The following NUP98 variants were observed in gnomAD, a reference collection of about 807,000 sequenced individuals.
The protein encoded by NUP98 is nuclear pore complex protein Nup98-Nup96.
A neutral mutation model predicts 191.9 loss-of-function variants in NUP98; 26 were observed. The ratio of observed to expected loss-of-function variants is 0.14; its 90% CI spans 0.10 to 0.19. NUP98 has a LOEUF of 0.19. Among genes scored for constraint, NUP98 ranks in the 10% least tolerant of loss-of-function variants. NUP98 has a pLI of 1.00. For missense variants in NUP98, 1,941 were observed against 2,178.8 expected, an observed-to-expected ratio of 0.89 and a Z score of 2.17; for synonymous variants, 808 against 778.4, an observed-to-expected ratio of 1.04 and a Z score of -0.63.
At chr11:3,777,389 A>C (rs1371832374) in intron 4 of NUP98, among the ~76,000 whole-genome samples, 1 of 151,614 alleles carries the variant, frequency 6.6e-6, no homozygotes, top group Non-Finnish European at 1.5e-5. Flanking sequence ...TTGGGAGGCC[A>C]AGGCGGGTGG....
chr11:3,779,709 C>T (rs2081885853), intron 2 of NUP98, among the ~76,000 whole-genome samples: 1 of 151,916 alleles, frequency 6.6e-6, no homozygotes, highest in Non-Finnish European at 1.5e-5. Flanking sequence ...AAAATCCCAT[C>T]AGAGTATGAA....
chr11:3,767,182 C>T (rs972912407), intron 8 of NUP98, among the ~76,000 whole-genome samples: 5 of 151,902 alleles, frequency 3.3e-5, no homozygotes, highest in Admixed American at 6.6e-5. Flanking sequence ...AGGCTGGTCT[C>T]GAACTCCTGA....
At chr11:3,685,155 A>G (rs1243195171) in intron 29 of NUP98, among the ~76,000 whole-genome samples, 1 of 152,246 alleles carries the variant, frequency 6.6e-6, no homozygotes, top group Non-Finnish European at 1.5e-5. Context: ...CAAGTACTAC[A>G]TAAATGTTCA....
chr11:3,690,006 C>T (rs2078260104), intron 28 of NUP98, among the ~76,000 whole-genome samples: 1 of 137,054 alleles, frequency 7.3e-6, no homozygotes, highest in South Asian at 2.3e-4. Context: ...GGCTGGACTG[C>T]AGTGGCACAA....
Position 3,686,098 on chromosome 11 carries a change from A to C in NUP98, c.4551T>G (p.Ala1517=). 6.2e-7 allele frequency: 1 copy of C among 1,614,226 alleles called. No homozygotes were observed. Among genetic ancestry groups the C allele is most frequent in the Non-Finnish European group, 8.5e-7 (1 of 1,180,038 alleles). The part of the protein sequence containing the change: ...LSWHLWEVLR[A]LNYTHLSAQC... The stretch of plus-strand genomic sequence containing the variant: ...GCGCTGAGAGATGGGTGTAGTTAAG[A>C]GCCCTCAGCACTTCCCACAAGTGCC... The change falls in exon 29 of 33, where the codon GCT becomes GCG. Residue 1517 remains alanine (A), a synonymous_variant. Transcript: ENST00000324932.
chr11:3,675,779 A>G lies in NUP98; in HGVS notation c.*380T>C. Reference sequence around the variant, plus strand: ...ACTCCTCCTAAGGAGTCCTAGTATAAAAGGGCCAGGGTAGGAGTAGGGAAG... The same window carrying G: ...ACTCCTCCTAAGGAGTCCTAGTATAGAAGGGCCAGGGTAGGAGTAGGGAAG... On this transcript the variant is annotated 3_prime_UTR_variant, in exon 33 of 33. Coordinates refer to ENST00000324932, the MANE Select transcript of NUP98 (RefSeq NM_016320.5). 2.8e-6 allele frequency: 1 copy of G among 356,714 alleles called. No homozygotes were observed. Among genetic ancestry groups the G allele is most frequent in the Non-Finnish European group, 5.2e-6 (1 of 193,052 alleles). 22.1% of individuals were successfully genotyped at this position (356,714 alleles called of 1,614,324 possible).
At chr11:3,783,082 A>T (rs927448083) in intron 1 of NUP98, among the ~76,000 whole-genome samples, 3 of 152,098 alleles carry the variant, frequency 2.0e-5, no homozygotes, top group Non-Finnish European at 2.9e-5. Flanking sequence ...ATTACAGAAA[A>T]ACCTTTGATG....
chr11:3,696,497 G>A (rs1324753757), intron 25 of NUP98, among the ~76,000 whole-genome samples: 6 of 150,956 alleles, frequency 4.0e-5, no homozygotes, highest in Non-Finnish European at 8.9e-5. Flanking sequence ...CCAAGACTCT[G>A]TCTTGGTGCA....
intron 12 of NUP98, among the ~76,000 whole-genome samples, chr11:3,737,650 C>T (rs1373400974): frequency 6.6e-6 from 1 of 151,924 alleles, no homozygotes; most frequent in African/African-American, 2.4e-5. Flanking sequence ...CAAACAAAAA[C>T]AGAACAGGCT....
intron 18 of NUP98, among the ~76,000 whole-genome samples, chr11:3,716,750 C>T (rs1486753866): frequency 6.7e-6 from 1 of 149,804 alleles, no homozygotes; most frequent in African/African-American, 2.5e-5. Flanking sequence ...TTTCTGGGCT[C>T]TCTATTACAT....
At chr11:3,684,249 A>T (rs1376667019) in intron 29 of NUP98, among the ~76,000 whole-genome samples, 1 of 151,934 alleles carries the variant, frequency 6.6e-6, no homozygotes, top group Non-Finnish European at 1.5e-5. Flanking sequence ...CATAGCATTA[A>T]TTTTTAAAAA....
chr11:3,718,035 C>G (rs992420768), intron 18 of NUP98, among the ~76,000 whole-genome samples: 1 of 152,238 alleles, frequency 6.6e-6, no homozygotes, highest in Middle Eastern at 3.4e-3. Context: ...CTGTAGTTTT[C>G]TTTCCTTGCA....
At chr11:3,677,197 C>G (rs769580755) in intron 31 of NUP98, among the ~76,000 whole-genome samples, 2 of 152,104 alleles carry the variant, frequency 1.3e-5, no homozygotes, top group African/African-American at 2.4e-5. Flanking sequence ...AACTGGATAG[C>G]TACTTGAGAC....
rs1281988839 is a variant in NUP98, at chr11:3,683,440, T to A, written c.4678A>T (p.Ile1560Leu). The A allele has an allele frequency of 1.9e-6, 3 of 1,614,052 alleles. No individual in the cohort carries two copies. Among genetic ancestry groups the A allele is most frequent in the Non-Finnish European group, 2.5e-6 (3 of 1,179,998 alleles). ...FVLLHIDNSGIREKAVRELLT... is the reference protein window; with the variant it reads ...FVLLHIDNSGLREKAVRELLT... ...AGCTCTCGAACAGCCTTCTCACGTA[T>A]GCTACAGGGAGAGATAAGCTAGAAT... Residue 1560 changes from isoleucine to leucine, a missense_variant and splice_region_variant, in exon 30 of 33, where the codon ATA (isoleucine) becomes TTA (leucine). This residue lies in a region of NUP98 where 1,030 missense variants were observed against 1,115.8 expected (regional missense o/e 0.92). Coordinates refer to ENST00000324932, the MANE Select transcript of NUP98 (RefSeq NM_016320.5).
At chr11:3,779,369 T>C in intron 2 of NUP98, 112 bp from the exon 3 acceptor site, 9 of 942,276 alleles carry the variant, frequency 9.6e-6, no homozygotes, top group Non-Finnish European at 1.5e-5. Flanking sequence ...AGGCTGTGCA[T>C]GGTGGCTCAC....
chr11:3,719,881 T>C (rs558697418), intron 17 of NUP98, among the ~76,000 whole-genome samples: 2 of 149,858 alleles, frequency 1.3e-5, no homozygotes, highest in Non-Finnish European at 3.0e-5. Flanking sequence ...CACCTCACCC[T>C]CCCAAGTAGC....
chr11:3,683,334 G>C lies in NUP98; in HGVS notation c.4784C>G (p.Pro1595Arg). The change falls in exon 30 of 33, where the codon CCT becomes CGT. Residue 1595 changes from proline to arginine, a missense_variant. By Grantham distance (103) the Pro-to-Arg change is moderately radical. Around this residue, in one of 6 missense-constraint regions of NUP98, gnomAD observed 1,030 missense variants for 1,115.8 expected, o/e 0.92. Transcript: ENST00000324932. ...TTTGGCCTCGTGGATCCATTTGGCAGGTACACGGAGCTTCTGGGTAAGGAA... is the reference window on the plus strand; with the variant it reads ...TTTGGCCTCGTGGATCCATTTGGCACGTACACGGAGCTTCTGGGTAAGGAA... ...ETFLTQKLRVPAKWIHEAKAV... is the reference protein window; with the variant it reads ...ETFLTQKLRVRAKWIHEAKAV... 6.2e-7 allele frequency: 1 copy of C among 1,614,172 alleles called. No homozygotes were observed. Among genetic ancestry groups the C allele is most frequent in the Non-Finnish European group, 8.5e-7 (1 of 1,180,036 alleles).
chr11:3,722,105 C>CTTT (rs923606079), intron 16 of NUP98, among the ~76,000 whole-genome samples: 13 of 108,242 alleles, frequency 1.2e-4, no homozygotes, highest in Admixed American at 1.9e-4. Context: ...ACCTGGAATT[C>CTTT]TTTTTTTTTT....
intron 10 of NUP98, among the ~76,000 whole-genome samples, chr11:3,753,929 ACT>A (rs1360076069): frequency 6.6e-6 from 1 of 151,180 alleles, no homozygotes; most frequent in Non-Finnish European, 1.5e-5. Context: ...ACAGAGCAGG[ACT>A]CTGTCTCGAA....
Sources: gnomAD v4.1 joint callset for allele counts (sites outside exome capture counted in the v4.1 genomes callset) on GRCh38, gnomAD v4.1.1 for gene constraint, gnomAD v4.1.1 regional missense constraint, MANE v1.5 for transcripts, NCBI Gene and HGNC (gene_info 2026-07-23, HGNC 2026-07-21) for gene names.